ROBO2: variants seen among roughly 807,000 people sequenced by gnomAD.
The protein encoded by ROBO2 is roundabout homolog 2.
ROBO2 carries 53 observed loss-of-function variants against 160.8 expected under a neutral mutation model. The ratio of observed to expected loss-of-function variants is 0.33; its 90% confidence interval spans 0.26 to 0.41. ROBO2 has a LOEUF of 0.41. ROBO2 is among the 10% of genes least tolerant of loss of function. The probability of loss-of-function intolerance (pLI) is 1.00; values close to 1 mark genes in which losing one functional copy is unlikely to be tolerated. For missense variants in ROBO2, 1,577 were observed against 1,722.4 expected (o/e 0.92, Z 1.49); for synonymous variants, 664 against 611.7 (o/e 1.09, Z -1.26).
intron 2 of ROBO2, among the ~76,000 whole-genome samples, chr3:76,661,968 C>T (rs2091840386): frequency 6.6e-6 from 1 of 152,132 alleles, no homozygotes; most frequent in Non-Finnish European, 1.5e-5. Context: ...TGATGCTATA[C>T]TACAGTCAGC....
chr3:77,617,739 A>G (rs2094812092), exon 22 of ROBO2: 2 of 1,613,756 alleles, frequency 1.2e-6, no homozygotes, highest in Non-Finnish European at 1.7e-6. Context: ...TGAGTTGACA[A>G]GAGCCTATCA....
chr3:76,263,884 C>T (rs1706928266), intron 2 of ROBO2, among the ~76,000 whole-genome samples: 1 of 152,088 alleles, frequency 6.6e-6, no homozygotes, highest in Non-Finnish European at 1.5e-5. Context: ...GAATACTATG[C>T]AGCCATAAAA....
chr3:77,619,317 G>A (rs2153704114), intron 22 of ROBO2, among the ~76,000 whole-genome samples: 1 of 152,124 alleles, frequency 6.6e-6, no homozygotes, highest in Admixed American at 6.5e-5. Flanking sequence ...AAGTTTCAAG[G>A]GTCCCCAAGA....
chr3:77,414,707 T>A (rs1446095282), intron 2 of ROBO2, among the ~76,000 whole-genome samples: 1 of 152,176 alleles, frequency 6.6e-6, no homozygotes, highest in Non-Finnish European at 1.5e-5. Context: ...AGATATTTGG[T>A]CTTTGTAGTG....
chr3:77,050,418 A>C (rs2149687184), intron 1 of ROBO2, among the ~76,000 whole-genome samples: 1 of 152,258 alleles, frequency 6.6e-6, no homozygotes, highest in East Asian at 1.9e-4. Context: ...CATCTCTATC[A>C]TGGGTTAGCG....
chr3:76,086,697 T>C (rs1329163318), intron 2 of ROBO2, among the ~76,000 whole-genome samples: 1 of 152,010 alleles, frequency 6.6e-6, no homozygotes, highest in Admixed American at 6.6e-5. Context: ...AAAACAATCA[T>C]CAAAATCAGA....
chr3:76,069,110 T>C (rs2068358814), intron 2 of ROBO2, among the ~76,000 whole-genome samples: 1 of 152,172 alleles, frequency 6.6e-6, no homozygotes, highest in Non-Finnish European at 1.5e-5. Context: ...TTTCAAGTTT[T>C]TAATCCCCAG....
rs573441427 is a variant in ROBO2 at position 77,547,010 on chromosome 3, G to A, written c.1059+548G>A. Among the ~76,000 whole-genome samples the A allele has an allele frequency of 4.6e-5, 7 of 152,064 alleles. No individual in the cohort carries two copies. The East Asian group carries it at 9.7e-4, about 21-fold the overall frequency. ...TCCTCCTGGATTCATCCATAGTGGG[G>A]TTAGACAGGAAATAATACATAGTAC... On this transcript the variant is annotated intron_variant, in intron 7 of 25. Coordinates refer to ENST00000461745, the Ensembl canonical transcript of ROBO2.
chr3:76,404,374 T>C (rs1041286813), intron 2 of ROBO2, among the ~76,000 whole-genome samples: 37 of 151,710 alleles, frequency 2.4e-4, no homozygotes, highest in African/African-American at 8.7e-4. Context: ...CTGTTCAGTT[T>C]GGATAATTGA....
intron 2 of ROBO2, among the ~76,000 whole-genome samples, chr3:76,752,805 T>A (rs1279265576): frequency 8.7e-6 from 1 of 115,596 alleles, no homozygotes; most frequent in Non-Finnish European, 1.8e-5. Flanking sequence ...GGGAATATAG[T>A]ATGCAGCATT....
chr3:76,286,671 G>T (rs1017023950), intron 2 of ROBO2, among the ~76,000 whole-genome samples: 1 of 152,112 alleles, frequency 6.6e-6, no homozygotes, highest in Non-Finnish European at 1.5e-5. Context: ...TGAGGACTAT[G>T]TATGTCTTGG....
intron 2 of ROBO2, among the ~76,000 whole-genome samples, chr3:77,219,507 A>C (rs977405420): frequency 2.1e-5 from 3 of 142,338 alleles, no homozygotes; most frequent in Non-Finnish European, 3.0e-5. Context: ...ATATATATAT[A>C]TATATATCTG....
intron 2 of ROBO2, among the ~76,000 whole-genome samples, chr3:76,915,578 G>A (rs923656561): frequency 6.6e-6 from 1 of 150,710 alleles, no homozygotes; most frequent in African/African-American, 2.4e-5. Flanking sequence ...GCTGATGCAG[G>A]AGGCTCACTT....
chr3:77,426,952 A>T (rs1230864150), intron 2 of ROBO2, among the ~76,000 whole-genome samples: 1 of 152,204 alleles, frequency 6.6e-6, no homozygotes, highest in African/African-American at 2.4e-5. Context: ...AAAGTGTTTG[A>T]ACTCTATGTT....
At chr3:76,254,038 G>A (rs1477657736) in intron 2 of ROBO2, among the ~76,000 whole-genome samples, 2 of 152,030 alleles carry the variant, frequency 1.3e-5, no homozygotes, top group Non-Finnish European at 2.9e-5. Flanking sequence ...ATCTATAGCT[G>A]TCTACAAAAT....
chr3:76,060,400 A>G (rs1456696374), intron 2 of ROBO2, among the ~76,000 whole-genome samples: 1 of 152,220 alleles, frequency 6.6e-6, no homozygotes, highest in African/African-American at 2.4e-5. Context: ...GTAATATCTT[A>G]CCTTTTAGTA....
chr3:76,293,616 C>G (rs147901337), intron 2 of ROBO2, among the ~76,000 whole-genome samples: 1 of 152,076 alleles, frequency 6.6e-6, no homozygotes, highest in Non-Finnish European at 1.5e-5. Context: ...TGTGGAAGAC[C>G]GTTAGCTAGC....
chr3:77,362,000 G>A (rs111256300), intron 2 of ROBO2, among the ~76,000 whole-genome samples: 1,578 of 152,174 alleles, frequency 0.01, 14 homozygotes, highest in Middle Eastern at 0.017. Flanking sequence ...ATAACTTAAC[G>A]GAGAAGAACA....
intron 2 of ROBO2, among the ~76,000 whole-genome samples, chr3:77,431,957 C>T (rs1445747387): frequency 3.9e-5 from 6 of 152,112 alleles, no homozygotes; most frequent in Non-Finnish European, 1.5e-5. Flanking sequence ...TCCTTGAATT[C>T]CAAATCCTGG....
Sources: gnomAD v4.1 joint callset for allele counts (sites outside exome capture counted in the v4.1 genomes callset) on GRCh38, gnomAD v4.1.1 for gene constraint, MANE v1.5 for transcripts, NCBI Gene and HGNC (gene_info 2026-07-23, HGNC 2026-07-21) for gene names.